The following CNTNAP2 variants were observed in gnomAD, a reference collection of about 807,000 sequenced individuals.
The protein encoded by CNTNAP2 is contactin associated protein 2.
In CNTNAP2, 98 loss-of-function variants were observed where a neutral mutation model predicts 155.2. The ratio of observed to expected loss-of-function variants is 0.63; its 90% CI spans 0.54 to 0.75. CNTNAP2 has a LOEUF of 0.75. CNTNAP2 is among the 30% of genes least tolerant of loss of function. The pLI is 0.00. For missense variants in CNTNAP2, 1,727 were observed against 1,688.1 expected (o/e 1.02, Z -0.40); for synonymous variants, 651 against 631.2 (o/e 1.03, Z -0.47).
chr7:146,258,413 T>G (rs565707080), intron 1 of CNTNAP2, among the ~76,000 whole-genome samples: 1 of 152,266 alleles, frequency 6.6e-6, no homozygotes, highest in South Asian at 2.1e-4. Flanking sequence ...ACAATCAAAT[T>G]TTCAGAAAAT....
At chr7:146,726,963 T>C (rs1801440944) in intron 1 of CNTNAP2, among the ~76,000 whole-genome samples, 2 of 152,184 alleles carry the variant, frequency 1.3e-5, no homozygotes, top group South Asian at 4.1e-4. Flanking sequence ...ATTTACTTGC[T>C]TGGTTTTCCT....
chr7:147,241,931 C>G (rs1032323260), intron 8 of CNTNAP2, among the ~76,000 whole-genome samples: 4 of 152,144 alleles, frequency 2.6e-5, no homozygotes, highest in Non-Finnish European at 1.5e-5. Flanking sequence ...AGCCTAATCT[C>G]ATATCTAGTT....
At chr7:146,711,130 A>G in intron 1 of CNTNAP2, among the ~76,000 whole-genome samples, 1 of 151,304 alleles carries the variant, frequency 6.6e-6, no homozygotes, top group East Asian at 2.0e-4. Flanking sequence ...AGACACACAC[A>G]CACATATATG....
intron 6 of CNTNAP2, among the ~76,000 whole-genome samples, chr7:147,123,649 G>T (rs989061095): frequency 2.6e-5 from 4 of 152,200 alleles, no homozygotes; most frequent in Non-Finnish European, 5.9e-5. Flanking sequence ...TGCAATTATT[G>T]GCATGAAATG....
chr7:147,698,396 A>G (rs149532644), intron 13 of CNTNAP2, among the ~76,000 whole-genome samples: 247 of 152,276 alleles, frequency 1.6e-3, no homozygotes, highest in African/African-American at 5.2e-3. Flanking sequence ...CTACCTTTAT[A>G]CCATTACATC....
intron 1 of CNTNAP2, among the ~76,000 whole-genome samples, chr7:146,327,384 TTAAG>T (rs1352596285): frequency 6.6e-6 from 1 of 152,190 alleles, no homozygotes; most frequent in Non-Finnish European, 1.5e-5. Context: ...AAGGCAACTC[TTAAG>T]TAATAAACAC....
chr7:146,847,725 A>G (rs1218943240), intron 3 of CNTNAP2, among the ~76,000 whole-genome samples: 1 of 152,202 alleles, frequency 6.6e-6, no homozygotes, highest in East Asian at 1.9e-4. Flanking sequence ...CTGGAATGAC[A>G]AATGACTCAT....
intron 8 of CNTNAP2, among the ~76,000 whole-genome samples, chr7:147,203,168 T>G (rs1006605191): frequency 3.3e-5 from 5 of 152,142 alleles, no homozygotes; most frequent in Admixed American, 2.6e-4. Flanking sequence ...ACACAAAAAG[T>G]TATTTGATAA....
intron 9 of CNTNAP2, among the ~76,000 whole-genome samples, chr7:147,336,151 A>T (rs1795660693): frequency 6.6e-6 from 1 of 152,208 alleles, no homozygotes; most frequent in Non-Finnish European, 1.5e-5. Flanking sequence ...AACATATTTC[A>T]GAAGACAGAT....
At chr7:147,277,216 C>T (rs756964868) in intron 8 of CNTNAP2, among the ~76,000 whole-genome samples, 3 of 151,964 alleles carry the variant, frequency 2.0e-5, no homozygotes, top group Non-Finnish European at 4.4e-5. Flanking sequence ...CAAGTTCATG[C>T]ATGAGTAGCT....
intron 15 of CNTNAP2, among the ~76,000 whole-genome samples, chr7:148,012,357 A>G (rs1409290494): frequency 6.6e-6 from 1 of 152,250 alleles, no homozygotes; most frequent in Non-Finnish European, 1.5e-5. Context: ...CTAGTCTGTC[A>G]TAATACCAGG....
chr7:146,307,978 G>A (rs1311574847), intron 1 of CNTNAP2, among the ~76,000 whole-genome samples: 3 of 152,046 alleles, frequency 2.0e-5, no homozygotes, highest in Non-Finnish European at 4.4e-5. Flanking sequence ...TTGACAAATG[G>A]GATCTAATTA....
intron 13 of CNTNAP2, among the ~76,000 whole-genome samples, chr7:147,656,298 T>C (rs569557081): frequency 1.3e-5 from 2 of 152,370 alleles, no homozygotes; most frequent in African/African-American, 2.4e-5. Flanking sequence ...GAGAATCTTT[T>C]CTTTGCATTC....
chr7:148,183,153 G>GA (rs1458067924), intron 18 of CNTNAP2, among the ~76,000 whole-genome samples: 4 of 152,230 alleles, frequency 2.6e-5, no homozygotes, highest in African/African-American at 9.6e-5. Flanking sequence ...ACTAGGCTGG[G>GA]AATGCAATGG....
chr7:146,381,831 T>A lies in CNTNAP2; in HGVS notation c.97+264858T>A, dbSNP rs985781424. ...AAACACAAATACAATCGTATTTTTT[T>A]ACTGCTGGTCCGCTGGGCTTGATCT... On this transcript the variant is annotated intron_variant, in intron 1 of 23. Coordinates refer to ENST00000361727, the MANE Select transcript of CNTNAP2 (RefSeq NM_014141.6). Among the ~76,000 whole-genome samples the A allele has an allele frequency of 2.6e-5, 4 of 152,288 alleles. No individual in the cohort carries two copies. The East Asian group carries it at 7.8e-4, about 30-fold the overall frequency.
intron 4 of CNTNAP2, among the ~76,000 whole-genome samples, chr7:147,092,884 A>T (rs1800437125): frequency 6.6e-6 from 1 of 152,152 alleles, no homozygotes; most frequent in Non-Finnish European, 1.5e-5. Context: ...TGTATGTTCT[A>T]CTTGTAAGTT....
At chr7:147,876,518 C>G (rs1005691656) in intron 13 of CNTNAP2, among the ~76,000 whole-genome samples, 7 of 152,184 alleles carry the variant, frequency 4.6e-5, no homozygotes. Flanking sequence ...AACCCCTCTT[C>G]AATAACACCA....
intron 21 of CNTNAP2, among the ~76,000 whole-genome samples, chr7:148,368,786 CAG>C (rs991287739): frequency 3.9e-5 from 6 of 152,198 alleles, no homozygotes; most frequent in African/African-American, 9.6e-5. Flanking sequence ...GGGTATGTGA[CAG>C]GGGCTGCATG....
chr7:147,618,121 G>A (rs1400204516), intron 12 of CNTNAP2, among the ~76,000 whole-genome samples: 2 of 152,076 alleles, frequency 1.3e-5, no homozygotes, highest in South Asian at 2.1e-4. Context: ...TAAAGATATA[G>A]AAAATGGAAT....
Sources: allele counts gnomAD v4.1 joint callset (sites outside exome capture counted in the v4.1 genomes callset), GRCh38; gene constraint gnomAD v4.1.1; transcripts MANE v1.5; gene names NCBI Gene and HGNC (gene_info 2026-07-23, HGNC 2026-07-21).